Variants in KIAA1217 observed in about 807,000 individuals in gnomAD.
KIAA1217 encodes the protein KIAA1217.
Under a neutral mutation model 163.9 loss-of-function variants are expected in KIAA1217, and 88 were observed. The ratio of observed to expected loss-of-function variants is 0.54; its 90% CI spans 0.45 to 0.64. The LOEUF (loss-of-function observed/expected upper bound fraction) is 0.64. Among genes scored for constraint, KIAA1217 ranks in the 30% least tolerant of loss-of-function variants. KIAA1217 has a pLI of 0.00. For missense variants in KIAA1217, 2,372 were observed against 2,475.0 expected, an observed-to-expected ratio of 0.96 and a Z score of 0.88; for synonymous variants, 903 against 923.1, an observed-to-expected ratio of 0.98 and a Z score of 0.39.
chr10:24,528,167 G>A (rs559211425), intron 14 of KIAA1217, 48 bp downstream of exon 14: 3 of 1,538,366 alleles, frequency 2.0e-6, no homozygotes, highest in African/African-American at 1.4e-5. Context: ...CATGGCTTTG[G>A]GCAAATACAG....
At chr10:23,892,045 T>C (rs1412306893) in intron 1 of KIAA1217, among the ~76,000 whole-genome samples, 2 of 151,940 alleles carry the variant, frequency 1.3e-5, no homozygotes, top group Non-Finnish European at 2.9e-5. Context: ...TGTACATATA[T>C]ATTTACAGAT....
chr10:23,789,932 T>G (rs1191553483), intron 1 of KIAA1217, among the ~76,000 whole-genome samples: 1 of 137,394 alleles, frequency 7.3e-6, no homozygotes, highest in Non-Finnish European at 1.5e-5. Flanking sequence ...CATGTATATA[T>G]ACACATATAC....
intron 1 of KIAA1217, among the ~76,000 whole-genome samples, chr10:23,795,815 T>TG (rs1298265204): frequency 6.6e-6 from 1 of 152,206 alleles, no homozygotes; most frequent in Non-Finnish European, 1.5e-5. Context: ...TTTCATCTTC[T>TG]GGGGGTCCAG....
At chr10:23,813,076 G>A (rs1243877516) in intron 1 of KIAA1217, among the ~76,000 whole-genome samples, 1 of 152,154 alleles carries the variant, frequency 6.6e-6, no homozygotes. Context: ...AGGTTTCAAA[G>A]TCTCTACATT....
intron 1 of KIAA1217, among the ~76,000 whole-genome samples, chr10:23,882,785 C>A (rs749054357): frequency 1.3e-5 from 2 of 151,804 alleles, no homozygotes; most frequent in Non-Finnish European, 2.9e-5. Flanking sequence ...GTTTATAAAC[C>A]CTGCTCTTTG....
intron 5 of KIAA1217, among the ~76,000 whole-genome samples, chr10:24,446,475 A>G (rs1159299208): frequency 3.9e-5 from 6 of 152,186 alleles, no homozygotes; most frequent in Non-Finnish European, 1.5e-5. Context: ...CACTGAACTC[A>G]GAGCACTTTT....
chr10:24,409,455 A>G (rs1402568834), intron 3 of KIAA1217, among the ~76,000 whole-genome samples: 1 of 152,126 alleles, frequency 6.6e-6, no homozygotes, highest in Non-Finnish European at 1.5e-5. Context: ...CAGGGGCTGG[A>G]GGAAGGGATT....
At chr10:24,200,484 G>A (rs529532262) in intron 2 of KIAA1217, among the ~76,000 whole-genome samples, 1 of 152,132 alleles carries the variant, frequency 6.6e-6, no homozygotes, top group South Asian at 2.1e-4. Context: ...TGCACCACCT[G>A]GCTATGCTTG....
chr10:23,723,861 T>C (rs1837994393), intron 1 of KIAA1217, among the ~76,000 whole-genome samples: 1 of 152,198 alleles, frequency 6.6e-6, no homozygotes, highest in South Asian at 2.1e-4. Context: ...TATCTGCGAC[T>C]GGTAATTTAT....
intron 2 of KIAA1217, among the ~76,000 whole-genome samples, chr10:24,125,355 TGTGTGTGTGA>T (rs1187769681): frequency 6.8e-6 from 1 of 146,026 alleles, no homozygotes; most frequent in Non-Finnish European, 1.5e-5. Flanking sequence ...TGTGTGTGTG[TGTGTGTGTGA>T]ATAGGCTTTA....
At chr10:24,220,373 G>C (rs2069415862) in intron 2 of KIAA1217, among the ~76,000 whole-genome samples, 3 of 150,570 alleles carry the variant, frequency 2.0e-5, no homozygotes, top group Admixed American at 2.0e-4. Flanking sequence ...GGGTAAAATA[G>C]ATCTTACAGA....
chr10:23,747,076 C>T (rs969986715), intron 1 of KIAA1217, among the ~76,000 whole-genome samples: 18 of 152,118 alleles, frequency 1.2e-4, no homozygotes, highest in South Asian at 2.1e-4. Context: ...GCGAAGACTA[C>T]GCAGGGCCTA....
intron 2 of KIAA1217, among the ~76,000 whole-genome samples, chr10:24,225,490 T>C: frequency 6.6e-6 from 1 of 152,240 alleles, no homozygotes; most frequent in South Asian, 2.1e-4. Flanking sequence ...AAAGAATAAC[T>C]TTATTACATT....
Position 23,790,319 on chromosome 10 carries a change from GCACATATGCATATATGCATATATA to G in KIAA1217, c.-321+95088_-321+95111del, listed in dbSNP as rs1564422720. Among the ~76,000 whole-genome samples, 7 of 11,924 alleles carry G rather than the reference GCACATATGCATATATGCATATATA, an allele frequency of 5.9e-4. 3 individuals carry two copies. The highest frequency in any genetic ancestry group is 1.5e-3 in the Non-Finnish European group (7 of 4,566). The allele number at this position is 11,924 out of a possible 152,430, so 7.8% of individuals were successfully genotyped here. ...TATGCACATATGCATATATACATATGCACATATGCATATATGCATATATACATATGCATATATGCATATATACAT... is the reference window on the plus strand; with the variant it reads ...TATGCACATATGCATATATACATATGCATATGCATATATGCATATATACAT... On this transcript the variant is annotated intron_variant, in intron 1 of 18. Transcript: ENST00000376462.
At chr10:23,790,836 C>G (rs1835913621) in intron 1 of KIAA1217, among the ~76,000 whole-genome samples, 2 of 151,740 alleles carry the variant, frequency 1.3e-5, no homozygotes, top group Non-Finnish European at 2.9e-5. Flanking sequence ...TGGGCTCAAG[C>G]CATTGTCCTG....
intron 9 of KIAA1217, among the ~76,000 whole-genome samples, chr10:24,512,962 C>T (rs1592556567): frequency 2.0e-5 from 3 of 152,272 alleles, no homozygotes; most frequent in Middle Eastern, 6.8e-3. Flanking sequence ...TGTGCTGCTC[C>T]CTCTAAAGAT....
At chr10:24,204,474 AATTAT>A, upstream of KIAA1217, among the ~76,000 whole-genome samples, 4 of 152,276 alleles carry the variant, frequency 2.6e-5, no homozygotes, top group African/African-American at 9.6e-5. Flanking sequence ...GTTTAAGATT[AATTAT>A]TTTTTAATTA....
At chr10:24,125,449 T>C (rs1459769316) in intron 2 of KIAA1217, among the ~76,000 whole-genome samples, 1 of 152,080 alleles carries the variant, frequency 6.6e-6, no homozygotes, top group East Asian at 1.9e-4. Flanking sequence ...GTAAGCTACA[T>C]TTATAATGAA....
chr10:24,264,416 G>A (rs565685074), intron 2 of KIAA1217, among the ~76,000 whole-genome samples: 2 of 152,124 alleles, frequency 1.3e-5, no homozygotes, highest in South Asian at 4.1e-4. Context: ...ATGAGACAAA[G>A]CAGACAGACA....
Sources: allele counts gnomAD v4.1 joint callset (sites outside exome capture counted in the v4.1 genomes callset), GRCh38; gene constraint gnomAD v4.1.1; transcripts MANE v1.5; gene names NCBI Gene and HGNC (gene_info 2026-07-23, HGNC 2026-07-21).